The following CRACD variants were observed in gnomAD, a reference collection of about 807,000 sequenced individuals.
CRACD encodes capping protein-inhibiting regulator of actin dynamics.
A neutral mutation model predicts 106.8 loss-of-function variants in CRACD; 56 were observed. The ratio of observed to expected loss-of-function variants is 0.52; its 90% CI spans 0.42 to 0.66. The LOEUF (loss-of-function observed/expected upper bound fraction) is 0.66, where lower values mean the gene tolerates loss of function less well. Among genes scored for constraint, CRACD ranks in the 30% least tolerant of loss-of-function variants. CRACD has a pLI of 0.00. For missense variants in CRACD, 1,730 were observed against 1,623.2 expected (o/e 1.07, Z -1.13); for synonymous variants, 754 against 670.8 (o/e 1.12, Z -1.92).
Position 56,176,635 on chromosome 4 carries a change from C to T in CRACD, c.-335-2649C>T, listed in dbSNP as rs140019772. Among the ~76,000 whole-genome samples the T allele has an allele frequency of 1.3e-3, 204 of 152,120 alleles. 5 individuals are homozygous for T. The East Asian group carries it at 0.036, about 27-fold the overall frequency. On this transcript the variant is annotated intron_variant, in intron 1 of 10. Transcript: ENST00000682029. The stretch of plus-strand genomic sequence containing the variant: ...TATTTTTGGTAGAGATGGGGTTTCA[C>T]TGTGTTAGCCAGGATGGTCTCGATC...
chr4:56,244,830 G>T (rs527248230), intron 2 of CRACD, among the ~76,000 whole-genome samples: 2 of 152,330 alleles, frequency 1.3e-5, no homozygotes, highest in Non-Finnish European at 1.5e-5. Flanking sequence ...CATGAAGGTG[G>T]AACACATTTC....
intron 1 of CRACD, among the ~76,000 whole-genome samples, chr4:56,110,879 G>A (rs1011722336): frequency 1.3e-5 from 2 of 152,202 alleles, no homozygotes; most frequent in Admixed American, 1.3e-4. Context: ...TTACAGGTGT[G>A]AGCCGCTGCG....
At chr4:56,226,557 G>C (rs753256) in intron 2 of CRACD, among the ~76,000 whole-genome samples, 2,741 of 152,212 alleles carry the variant, frequency 0.018, 87 homozygotes, top group African/African-American at 0.062. Flanking sequence ...ATGCTCTGTT[G>C]CTAAGAGAAA....
At chr4:56,245,234 G>T (rs979459873) in intron 2 of CRACD, among the ~76,000 whole-genome samples, 3 of 152,072 alleles carry the variant, frequency 2.0e-5, no homozygotes, top group Non-Finnish European at 4.4e-5. Flanking sequence ...TCTCATAGTG[G>T]ATAGGTAATA....
intron 1 of CRACD, among the ~76,000 whole-genome samples, chr4:56,071,759 C>T (rs576190824): frequency 1.5e-3 from 222 of 152,156 alleles, no homozygotes; most frequent in Non-Finnish European, 2.1e-3. Context: ...GATTCACCCA[C>T]CTCGGCCTCC....
At chr4:56,322,883 G>C (rs1275907789) in intron 8 of CRACD, among the ~76,000 whole-genome samples, 1 of 152,114 alleles carries the variant, frequency 6.6e-6, no homozygotes, top group Non-Finnish European at 1.5e-5. Flanking sequence ...ACAACAATTT[G>C]CCAGGTGTGG....
chr4:56,054,728 A>G (rs1052260278), intron 1 of CRACD, among the ~76,000 whole-genome samples: 1 of 152,254 alleles, frequency 6.6e-6, no homozygotes, highest in Non-Finnish European at 1.5e-5. Flanking sequence ...TTATAGTCAC[A>G]TGTTGTCAGC....
At chr4:56,209,337 C>T (rs184614218) in intron 2 of CRACD, among the ~76,000 whole-genome samples, 3 of 152,212 alleles carry the variant, frequency 2.0e-5, no homozygotes, top group Admixed American at 2.0e-4. Context: ...TCAAACTAGG[C>T]AACTCTAGTA....
At chr4:56,287,393 C>A (rs1743434141) in intron 3 of CRACD, among the ~76,000 whole-genome samples, 2 of 151,986 alleles carry the variant, frequency 1.3e-5, no homozygotes, top group Non-Finnish European at 2.9e-5. Context: ...AGCAATTCTT[C>A]TGTCTCAGCC....
intron 10 of CRACD, among the ~76,000 whole-genome samples, chr4:56,326,484 A>C (rs150044940): frequency 5.9e-5 from 9 of 152,360 alleles, no homozygotes; most frequent in African/African-American, 2.2e-4. Context: ...TAATAAAGCA[A>C]GTCTTTGTTC....
intron 2 of CRACD, among the ~76,000 whole-genome samples, chr4:56,270,228 T>C (rs527401208): frequency 4.0e-4 from 61 of 152,236 alleles, no homozygotes; most frequent in South Asian, 2.9e-3. Context: ...TTTTCTTTTT[T>C]TTTTTTATTT....
chr4:56,105,131 AAAT>A (rs1351271346), intron 1 of CRACD, among the ~76,000 whole-genome samples: 4 of 152,218 alleles, frequency 2.6e-5, no homozygotes, highest in African/African-American at 9.6e-5. Flanking sequence ...TTCTGAGTAA[AAAT>A]AACAGATTCA....
chr4:56,180,511 AATAAATAAATAAATAAATAAATAG>A (rs1736774664), intron 2 of CRACD, among the ~76,000 whole-genome samples: 1 of 149,948 alleles, frequency 6.7e-6, no homozygotes, highest in African/African-American at 2.5e-5. Flanking sequence ...TAAATAAATA[AATAAATAAATAAATAAATAAATAG>A]ATAGATAGCA....
intron 3 of CRACD, among the ~76,000 whole-genome samples, chr4:56,295,653 T>C (rs1743966637): frequency 7.8e-6 from 1 of 128,616 alleles, no homozygotes; most frequent in African/African-American, 3.0e-5. Flanking sequence ...TGTGAGAAAT[T>C]AGTAAACATA....
chr4:56,134,935 CT>C (rs368298732), intron 1 of CRACD, among the ~76,000 whole-genome samples: 12,474 of 146,244 alleles, frequency 0.085, 630 homozygotes, highest in Admixed American at 0.15. Flanking sequence ...TTGATACTGG[CT>C]TTTTTTTTTT....
At chr4:56,112,724 C>G (rs1427049644) in intron 1 of CRACD, among the ~76,000 whole-genome samples, 1 of 152,142 alleles carries the variant, frequency 6.6e-6, no homozygotes, top group African/African-American at 2.4e-5. Flanking sequence ...CTCTCCTTGG[C>G]TATTGTTTTA....
At chr4:56,153,540 T>C (rs930472196) in intron 1 of CRACD, among the ~76,000 whole-genome samples, 1 of 152,152 alleles carries the variant, frequency 6.6e-6, no homozygotes, top group Admixed American at 6.6e-5. Flanking sequence ...TTTCTCCCAG[T>C]AGGCTCTTCA....
At chr4:56,050,260 G>A (rs2109773263) in intron 1 of CRACD, among the ~76,000 whole-genome samples, 1 of 145,324 alleles carries the variant, frequency 6.9e-6, no homozygotes, top group Admixed American at 7.0e-5. Flanking sequence ...AACTGATCTG[G>A]TGTAGGTGAG....
chr4:56,208,982 C>CT (rs1376944379), intron 2 of CRACD, among the ~76,000 whole-genome samples: 2 of 151,818 alleles, frequency 1.3e-5, no homozygotes, highest in Admixed American at 6.6e-5. Context: ...CTCTCTCTCT[C>CT]TTTTTTTATT....
Sources: allele counts gnomAD v4.1 joint callset (sites outside exome capture counted in the v4.1 genomes callset), GRCh38; gene constraint gnomAD v4.1.1; transcripts MANE v1.5; gene names NCBI Gene and HGNC (gene_info 2026-07-23, HGNC 2026-07-21).